Variants in EBF3 observed in about 807,000 individuals in gnomAD.
EBF3 encodes the protein transcription factor COE3.
A neutral mutation model predicts 77.1 loss-of-function variants in EBF3; 18 were observed. That is an observed-to-expected ratio of 0.23 (90% CI 0.16 to 0.35). The LOEUF is 0.35. EBF3 is among the 10% of genes least tolerant of loss of function. EBF3 has a pLI of 1.00. For missense variants in EBF3, 558 were observed against 860.0 expected, an observed-to-expected ratio of 0.65 and a Z score of 4.39; for synonymous variants, 350 against 343.5, an observed-to-expected ratio of 1.02 and a Z score of -0.21.
intron 6 of EBF3, among the ~76,000 whole-genome samples, chr10:129,902,409 C>T (rs1194223049): frequency 1.3e-5 from 2 of 151,880 alleles, no homozygotes; most frequent in Admixed American, 1.3e-4. Flanking sequence ...GGTGCACGGG[C>T]GTCTTTCCAT....
chr10:129,878,842 A>AAAAAAG, intron 6 of EBF3, among the ~76,000 whole-genome samples: 1 of 150,850 alleles, frequency 6.6e-6, no homozygotes, highest in South Asian at 2.1e-4. Context: ...AAAAAAAAAA[A>AAAAAAG]AAAATCTAAG....
intron 6 of EBF3, among the ~76,000 whole-genome samples, chr10:129,905,533 G>A (rs1037321052): frequency 6.6e-6 from 1 of 152,042 alleles, no homozygotes; most frequent in Admixed American, 6.6e-5. Flanking sequence ...CTGTTCACTG[G>A]CCACCACTGG....
At chr10:129,960,273 C>T (rs1354500362) in intron 4 of EBF3, among the ~76,000 whole-genome samples, 1 of 152,086 alleles carries the variant, frequency 6.6e-6, no homozygotes, top group African/African-American at 2.4e-5. Flanking sequence ...CCTCCCCGGG[C>T]ACTTCTGACA....
chr10:129,951,586 C>T (rs1858685372), intron 6 of EBF3, among the ~76,000 whole-genome samples: 1 of 152,262 alleles, frequency 6.6e-6, no homozygotes, highest in Non-Finnish European at 1.5e-5. Context: ...AAACCCAGCC[C>T]TTGACTGGCC....
intron 8 of EBF3, among the ~76,000 whole-genome samples, chr10:129,868,651 G>A (rs995376722): frequency 6.6e-6 from 1 of 152,224 alleles, no homozygotes; most frequent in South Asian, 2.1e-4. Context: ...GAGGGTGCAG[G>A]GGGGAGGGGA....
At chr10:129,961,498 A>G (rs1343877043) in intron 4 of EBF3, among the ~76,000 whole-genome samples, 1 of 152,244 alleles carries the variant, frequency 6.6e-6, no homozygotes, top group Non-Finnish European at 1.5e-5. Context: ...AAAGTTGACC[A>G]AGACAGGTTA....
chr10:129,954,894 G>A (rs1366086309), intron 6 of EBF3, among the ~76,000 whole-genome samples: 4 of 152,056 alleles, frequency 2.6e-5, no homozygotes, highest in Non-Finnish European at 5.9e-5. Flanking sequence ...CTCAACATAA[G>A]CAACTAATTT....
intron 16 of EBF3, among the ~76,000 whole-genome samples, chr10:129,838,857 G>A (rs753670017): frequency 1.1e-4 from 16 of 152,166 alleles, no homozygotes; most frequent in Non-Finnish European, 1.9e-4. Context: ...ACAACTTTAC[G>A]GTTTGGAAGC....
intron 6 of EBF3, among the ~76,000 whole-genome samples, chr10:129,892,004 T>A (rs774499794): frequency 2.1e-4 from 32 of 152,322 alleles, no homozygotes; most frequent in Non-Finnish European, 4.0e-4. Context: ...CCAATCAGGC[T>A]GTTAAGGGAG....
chr10:129,946,195 G>A (rs552405960), intron 6 of EBF3, among the ~76,000 whole-genome samples: 5 of 152,308 alleles, frequency 3.3e-5, no homozygotes, highest in Middle Eastern at 3.4e-3. Flanking sequence ...TCCTGGCCTC[G>A]CGCGGACCCG....
rs759959048 is a variant in EBF3 at position 129,847,166 on chromosome 10, G to A, written c.1128+1226C>T. 4.9e-4 allele frequency among the ~76,000 whole-genome samples: 74 copies of A among 152,216 alleles called. 1 individual carries two copies. Among genetic ancestry groups the A allele is most frequent in the Middle Eastern group, 3.4e-3 (1 of 294 alleles). Reference sequence around the variant, plus strand: ...GGTGACCAGGGAACCCCCCGAGAGCGCAGCTGCTGGGGTGTCTTCCCTGAG... The same window carrying A: ...GGTGACCAGGGAACCCCCCGAGAGCACAGCTGCTGGGGTGTCTTCCCTGAG... On this transcript the variant is annotated intron_variant, in intron 11 of 16. Transcript: ENST00000440978.
intron 6 of EBF3, among the ~76,000 whole-genome samples, chr10:129,927,739 T>C (rs1451641902): frequency 2.6e-5 from 4 of 152,192 alleles, no homozygotes; most frequent in Admixed American, 1.3e-4. Context: ...CTGAGGACAG[T>C]TGGGTCCCTT....
Position 129,935,309 on chromosome 10 carries a change from G to A in EBF3, c.554+21949C>T, listed in dbSNP as rs1183882938. ...TGGGAACCAGGCTTGGATCTGCCCAGTGACTGGCGGCCTGGGACCAGGGTG... is the reference window on the plus strand; with the variant it reads ...TGGGAACCAGGCTTGGATCTGCCCAATGACTGGCGGCCTGGGACCAGGGTG... On this transcript the variant is annotated intron_variant, in intron 6 of 16. Transcript: ENST00000440978. The surrounding 1 kb of genome is among the most constrained non-coding windows in gnomAD (Gnocchi z 4.2). Among the ~76,000 whole-genome samples, 2 of 152,178 alleles carry A rather than the reference G, an allele frequency of 1.3e-5. No individual in the cohort carries two copies. Among genetic ancestry groups the A allele is most frequent in the Non-Finnish European group, 2.9e-5 (2 of 68,032 alleles).
Position 129,962,245 on chromosome 10 carries a change from A to C in EBF3, c.356-19T>G. ...CTGACTCCTGCAAAAAAACAGAGACAAATTCTCATCAGGATTTGAGTGCTG... is the reference window on the plus strand; with the variant it reads ...CTGACTCCTGCAAAAAAACAGAGACCAATTCTCATCAGGATTTGAGTGCTG... On this transcript the variant is annotated intron_variant, in intron 3 of 16. Coordinates refer to ENST00000440978, the MANE Select transcript of EBF3 (RefSeq NM_001375380.1). 6.2e-7 allele frequency: 1 copy of C among 1,613,934 alleles called. No homozygotes were observed. The highest frequency in any genetic ancestry group is 1.1e-5 in the South Asian group (1 of 91,062).
rs1199350804 is a variant in EBF3, at chr10:129,885,211, CT to C, written c.555-7363del. Among the ~76,000 whole-genome samples the C allele has an allele frequency of 6.6e-6, 1 of 152,164 alleles. No individual in the cohort carries two copies. The highest frequency in any genetic ancestry group is 2.4e-5 in the African/African-American group (1 of 41,438). On this transcript the variant is annotated intron_variant, in intron 6 of 16. Coordinates refer to ENST00000440978, the MANE Select transcript of EBF3 (RefSeq NM_001375380.1). The surrounding 1 kb of genome is among the most constrained non-coding windows in gnomAD (Gnocchi z 4.0). ...CTCATTAAAATGATGCCAAAGAGAT[CT>C]GATGGGATTTAATGGCTTTGCCGGC...
Position 129,840,828 on chromosome 10 carries a change from A to C in EBF3, c.1561+16T>G. The C allele has an allele frequency of 6.2e-7, 1 of 1,607,202 alleles. No homozygotes were observed. The highest frequency in any genetic ancestry group is 8.5e-7 in the Non-Finnish European group (1 of 1,175,426). ...ATGAATCTGCGTGATGACGTGTGAC[A>C]AAAACAGACACTTACTGCCGTAGGG... is the stretch of plus-strand genomic sequence containing the variant. On this transcript the variant is annotated intron_variant, in intron 14 of 16. Transcript: ENST00000440978.
At chr10:129,960,112 AG>A (rs1859383541) in intron 4 of EBF3, among the ~76,000 whole-genome samples, 1 of 150,958 alleles carries the variant, frequency 6.6e-6, no homozygotes, top group East Asian at 2.0e-4. Flanking sequence ...AAAACAGAAA[AG>A]AAAAAAAAAA....
rs1853529278 is a variant in EBF3 at position 129,885,743 on chromosome 10, C to A, written c.555-7894G>T. Among the ~76,000 whole-genome samples the A allele has an allele frequency of 6.6e-6, 1 of 152,192 alleles. No individual in the cohort carries two copies. Among genetic ancestry groups the A allele is most frequent in the African/African-American group, 2.4e-5 (1 of 41,450 alleles). ...CTCTGGACACTGTTCTATTTGCCAG[C>A]TCTGATCACGAAGCTCCTTATTTAA... On this transcript the variant is annotated intron_variant, in intron 6 of 16. Transcript: ENST00000440978. This position sits in a 1 kb window ranked among gnomAD's most constrained non-coding sequence, Gnocchi z 4.0.
chr10:129,867,310 T>C (rs746512144), intron 9 of EBF3, 43 bp from the exon 10 acceptor site: 4 of 1,609,816 alleles, frequency 2.5e-6, no homozygotes, highest in Non-Finnish European at 2.5e-6. Context: ...CGGCGCTGGC[T>C]ATGAGAGGCG....
Sources: allele counts gnomAD v4.1 joint callset (sites outside exome capture counted in the v4.1 genomes callset), GRCh38; gene constraint gnomAD v4.1.1; non-coding constraint Gnocchi (gnomAD v3.1); transcripts MANE v1.5; gene names NCBI Gene and HGNC (gene_info 2026-07-23, HGNC 2026-07-21).